MAP1B: variants seen among roughly 807,000 people sequenced by gnomAD.
MAP1B encodes the protein microtubule-associated protein 1B.
In MAP1B, 12 loss-of-function variants were observed where a neutral mutation model predicts 176.1. The observed-to-expected ratio is 0.07, with a 90% confidence interval of 0.04 to 0.11. MAP1B has a LOEUF of 0.11. Among genes scored for constraint, MAP1B ranks in the 10% least tolerant of loss-of-function variants. MAP1B has a pLI of 1.00. For synonymous variants in MAP1B, 1,044 were observed against 1,135.0 expected, an observed-to-expected ratio of 0.92 and a Z score of 1.61; for missense variants, 2,523 against 2,990.5, an observed-to-expected ratio of 0.84 and a Z score of 3.65.
intron 2 of MAP1B, 48 bp from the exon 3 acceptor site, chr5:72,183,695 T>A (rs1206083322): frequency 6.7e-7 from 1 of 1,500,718 alleles, no homozygotes; most frequent in Admixed American, 1.7e-5. Context: ...AGTTTTTATC[T>A]GGAAAAGCTA....
intron 2 of MAP1B, among the ~76,000 whole-genome samples, chr5:72,157,978 T>G (rs1579999828): frequency 6.6e-6 from 1 of 150,914 alleles, no homozygotes. Context: ...TAGCTGGGAT[T>G]ACAGGCATCT....
At chr5:72,127,370 C>A (rs1163988380) in intron 2 of MAP1B, among the ~76,000 whole-genome samples, 1 of 152,096 alleles carries the variant, frequency 6.6e-6, no homozygotes, top group African/African-American at 2.4e-5. Flanking sequence ...CATGATTATC[C>A]AGAAGGAAAA....
chr5:72,115,202 T>G (rs1391436224), intron 1 of MAP1B, among the ~76,000 whole-genome samples: 1 of 152,206 alleles, frequency 6.6e-6, no homozygotes, highest in African/African-American at 2.4e-5. Flanking sequence ...ATTACACATG[T>G]ATACTACCAG....
At chr5:72,187,477 C>T (rs988896668) in intron 4 of MAP1B, among the ~76,000 whole-genome samples, 1 of 152,150 alleles carries the variant, frequency 6.6e-6, no homozygotes, top group Non-Finnish European at 1.5e-5. Flanking sequence ...CCTTGTTTAT[C>T]TAGCTTACAT....
rs1385967395 is a variant in MAP1B, at chr5:72,120,889, T to TATTG, written c.286+5093_286+5096dup. ...GTTATTATCCGTGGGAAATACCGGG[T>TATTG]ATTGATATTTGGCTAGTTTCCTTTT... On this transcript the variant is annotated intron_variant, in intron 2 of 6. Transcript: ENST00000296755. Among the ~76,000 whole-genome samples, 6 of 152,334 alleles carry TATTG rather than the reference T, an allele frequency of 3.9e-5. No individual in the cohort carries two copies. The East Asian group carries it at 1.2e-3, about 29-fold the overall frequency.
intron 2 of MAP1B, among the ~76,000 whole-genome samples, chr5:72,170,050 T>A (rs929580744): frequency 4.6e-5 from 7 of 152,216 alleles, no homozygotes; most frequent in South Asian, 2.1e-4. Context: ...AAAAAATGAA[T>A]GCAGTGACCA....
intron 4 of MAP1B, among the ~76,000 whole-genome samples, chr5:72,188,388 C>T (rs1010581395): frequency 1.9e-4 from 29 of 152,126 alleles, no homozygotes; most frequent in African/African-American, 7.0e-4. Flanking sequence ...AGTTAAGTGG[C>T]CTGCTTATAG....
chr5:72,179,703 G>C, intron 2 of MAP1B: 1 of 985,462 alleles, frequency 1.0e-6, no homozygotes, highest in Non-Finnish European at 1.2e-6. Flanking sequence ...CGTGACAAGA[G>C]CTGGAAGCTT....
At chr5:72,127,381 G>C (rs1263361745) in intron 2 of MAP1B, among the ~76,000 whole-genome samples, 2 of 152,212 alleles carry the variant, frequency 1.3e-5, no homozygotes, top group Non-Finnish European at 2.9e-5. Context: ...AGAAGGAAAA[G>C]TGATTTTTGT....
rs142648851 is a variant in MAP1B at position 72,159,382 on chromosome 5, A to G, written c.287-24361A>G. ...TAGGAGTCCTTGGTGATTCTTTGGAATTTCTCTGAAGAGAGCAAAAATGTC... is the reference window on the plus strand; with the variant it reads ...TAGGAGTCCTTGGTGATTCTTTGGAGTTTCTCTGAAGAGAGCAAAAATGTC... On this transcript the variant is annotated intron_variant, in intron 2 of 6. Transcript: ENST00000296755. Among the ~76,000 whole-genome samples, 235 of 152,282 alleles carry G rather than the reference A, an allele frequency of 1.5e-3. 1 individual carries two copies. Among genetic ancestry groups the G allele is most frequent in the African/African-American group, 5.5e-3 (229 of 41,548 alleles).
intron 2 of MAP1B, among the ~76,000 whole-genome samples, chr5:72,169,156 C>T: frequency 6.6e-6 from 1 of 152,088 alleles, no homozygotes; most frequent in East Asian, 1.9e-4. Context: ...CTAACGATGC[C>T]TCATTTTAAT....
At chr5:72,122,641 C>CTTTT (rs35175622) in intron 2 of MAP1B, among the ~76,000 whole-genome samples, 82 of 138,640 alleles carry the variant, frequency 5.9e-4, no homozygotes, top group African/African-American at 2.1e-3. Flanking sequence ...ATTCATCTCA[C>CTTTT]TTTTTTTTTT....
chr5:72,198,895 T>C lies in MAP1B; in HGVS notation c.5540T>C (p.Leu1847Ser). ...LFDTMQHHLALNRDLSTPGLE... is the reference protein window; with the variant it reads ...LFDTMQHHLASNRDLSTPGLE... ...GATACAATGCAACACCATCTAGCCT[T>C]GAATAGAGATTTGTCCACACCTGGC... is the stretch of plus-strand genomic sequence containing the variant. Residue 1847 changes from leucine (L) to serine (S), a missense_variant, in exon 5 of 7, where the codon TTG (leucine) becomes TCG (serine). Physicochemically the swap from Leu to Ser is moderately radical, Grantham distance 145 (BLOSUM62 -2). Transcript: ENST00000296755. The C allele has an allele frequency of 1.9e-6, 3 of 1,614,168 alleles. No individual in the cohort carries two copies. Among genetic ancestry groups the C allele is most frequent in the East Asian group, 4.5e-5 (2 of 44,876 alleles).
chr5:72,151,529 A>T (rs1474565950), intron 2 of MAP1B, among the ~76,000 whole-genome samples: 3 of 152,254 alleles, frequency 2.0e-5, no homozygotes, highest in Admixed American at 2.0e-4. Flanking sequence ...TGGAAAAAGT[A>T]CTGGAAGGAA....
At chr5:72,193,342 C>CT (rs67199223) in intron 4 of MAP1B, 40,005 of 215,906 alleles carry the variant, frequency 0.19, 5,078 homozygotes, top group Non-Finnish European at 0.25. Context: ...TCCATCAGGC[C>CT]TTTTTTTTTT....
At chr5:72,167,668 C>T (rs77386909) in intron 2 of MAP1B, among the ~76,000 whole-genome samples, 2,166 of 152,240 alleles carry the variant, frequency 0.014, 40 homozygotes, top group East Asian at 0.042. Context: ...CAAGAGTGCA[C>T]AGACATTTTA....
At chr5:72,134,992 A>G (rs987517570) in intron 2 of MAP1B, among the ~76,000 whole-genome samples, 1 of 150,758 alleles carries the variant, frequency 6.6e-6, no homozygotes, top group Admixed American at 6.6e-5. Context: ...TGGAATCCTG[A>G]TGTTTCAGAT....
chr5:72,189,120 AATG>A (rs930952538), intron 4 of MAP1B, among the ~76,000 whole-genome samples: 1 of 152,240 alleles, frequency 6.6e-6, no homozygotes, highest in African/African-American at 2.4e-5. Flanking sequence ...GACAAACAAA[AATG>A]ATACTTTTTA....
chr5:72,115,588 G>A (rs1052810429), intron 1 of MAP1B, 110 bp from the exon 2 acceptor site: 10 of 708,406 alleles, frequency 1.4e-5, no homozygotes, highest in Admixed American at 4.0e-5. Flanking sequence ...TTCAGAAAAG[G>A]AGTTCCCACA....
Sources: gnomAD v4.1 joint callset for allele counts (sites outside exome capture counted in the v4.1 genomes callset) on GRCh38, gnomAD v4.1.1 for gene constraint, MANE v1.5 for transcripts, NCBI Gene and HGNC (gene_info 2026-07-23, HGNC 2026-07-21) for gene names.